EPHA6: variants seen among roughly 807,000 people sequenced by gnomAD.
The protein encoded by EPHA6 is EPH receptor A6, also known as ephrin type-A receptor 6.
EPHA6 carries 50 observed loss-of-function variants against 112.0 expected under a neutral mutation model. The ratio of observed to expected loss-of-function variants is 0.45; its 90% CI spans 0.36 to 0.56. The LOEUF is 0.56. Ranked by LOEUF, EPHA6 falls within the 20% of genes least tolerant of loss-of-function variation. EPHA6 has a pLI of 0.00. For synonymous variants in EPHA6, 529 were observed against 490.7 expected, an observed-to-expected ratio of 1.08 and a Z score of -1.03; for missense variants, 1,280 against 1,417.4, an observed-to-expected ratio of 0.90 and a Z score of 1.56.
intron 2 of EPHA6, among the ~76,000 whole-genome samples, chr3:96,923,268 A>G (rs2039868128): frequency 6.6e-6 from 1 of 152,076 alleles, no homozygotes. Flanking sequence ...CAATGAAAAA[A>G]ACATTTTTCC....
chr3:96,870,551 G>A (rs1368516331), intron 2 of EPHA6, among the ~76,000 whole-genome samples: 1 of 152,030 alleles, frequency 6.6e-6, no homozygotes, highest in East Asian at 1.9e-4. Flanking sequence ...TGGAAATAAT[G>A]TTTTAGCAGT....
chr3:97,451,109 T>C (rs1398933333), intron 7 of EPHA6, among the ~76,000 whole-genome samples: 1 of 151,944 alleles, frequency 6.6e-6, no homozygotes, highest in African/African-American at 2.4e-5. Flanking sequence ...TGGTGGTAGA[T>C]GAAGGTGGAG....
chr3:97,109,137 C>T (rs1229043343), intron 3 of EPHA6, among the ~76,000 whole-genome samples: 3 of 152,086 alleles, frequency 2.0e-5, no homozygotes, highest in Admixed American at 6.6e-5. Flanking sequence ...TTATTTGATT[C>T]GGGTTATAAA....
intron 13 of EPHA6, among the ~76,000 whole-genome samples, chr3:97,618,935 C>G (rs968392918): frequency 6.6e-5 from 10 of 152,166 alleles, no homozygotes; most frequent in Middle Eastern, 3.4e-3. Context: ...CTTCCTGATA[C>G]CAAAACCTGG....
rs538996333 is a variant in EPHA6 at position 97,755,380 on chromosome 3, A to T, written c.*6679A>T. On this transcript the variant is annotated 3_prime_UTR_variant, in exon 18 of 18. Coordinates refer to ENST00000389672, the MANE Select transcript of EPHA6 (RefSeq NM_001080448.3). ...AACTGTTCTTACTTGTATTTTCTGC[A>T]TTATTTGTGACCTCTGGCCATTTTT... Among the ~76,000 whole-genome samples, 72 of 152,318 alleles carry T rather than the reference A, an allele frequency of 4.7e-4. No homozygotes were observed. The highest frequency in any genetic ancestry group is 8.5e-4 in the Non-Finnish European group (58 of 68,000).
intron 5 of EPHA6, among the ~76,000 whole-genome samples, chr3:97,260,775 A>G: frequency 6.6e-6 from 1 of 152,232 alleles, no homozygotes; most frequent in East Asian, 1.9e-4. Context: ...GCATTCAGTT[A>G]TAAAACCGTT....
intron 14 of EPHA6, among the ~76,000 whole-genome samples, chr3:97,643,477 A>G (rs1343496049): frequency 1.3e-5 from 2 of 150,540 alleles, no homozygotes; most frequent in Non-Finnish European, 3.0e-5. Flanking sequence ...AAATGCTCCA[A>G]TTAAAAGACA....
At chr3:97,122,613 C>T (rs985636993) in intron 3 of EPHA6, among the ~76,000 whole-genome samples, 4 of 151,896 alleles carry the variant, frequency 2.6e-5, no homozygotes, top group South Asian at 2.1e-4. Flanking sequence ...CAAGCTTGTA[C>T]GTATTTCATT....
At chr3:97,421,162 A>C (rs2107184831) in intron 6 of EPHA6, among the ~76,000 whole-genome samples, 1 of 152,200 alleles carries the variant, frequency 6.6e-6, no homozygotes, top group East Asian at 1.9e-4. Context: ...AGTTTCTACT[A>C]AATATTAGAG....
chr3:97,600,786 T>A (rs1426404266), intron 12 of EPHA6, among the ~76,000 whole-genome samples: 5 of 151,848 alleles, frequency 3.3e-5, no homozygotes, highest in Non-Finnish European at 7.4e-5. Context: ...ATCATCTTTA[T>A]GTAAGACTAG....
At chr3:97,745,423 A>G (rs2035671758) in intron 16 of EPHA6, 3 of 450,586 alleles carry the variant, frequency 6.7e-6, no homozygotes, top group South Asian at 1.6e-5. Context: ...ATAACGTTGC[A>G]ATATGTAGTA....
chr3:97,387,073 C>A (rs924381275), intron 5 of EPHA6, among the ~76,000 whole-genome samples: 1 of 152,212 alleles, frequency 6.6e-6, no homozygotes, highest in Non-Finnish European at 1.5e-5. Context: ...GCCCACAAAA[C>A]CATTCTTCCC....
intron 10 of EPHA6, among the ~76,000 whole-genome samples, chr3:97,503,050 A>G (rs116500148): frequency 0.015 from 2,206 of 152,096 alleles, 31 homozygotes; most frequent in Non-Finnish European, 0.022. Context: ...GGAAAAGAAG[A>G]TATAACTGCT....
At chr3:97,511,401 A>G (rs2107591770) in intron 10 of EPHA6, among the ~76,000 whole-genome samples, 1 of 152,240 alleles carries the variant, frequency 6.6e-6, no homozygotes, top group East Asian at 1.9e-4. Flanking sequence ...TCCTCACATC[A>G]CAGTCCTTCA....
chr3:97,649,705 C>G (rs1038898077), intron 14 of EPHA6, among the ~76,000 whole-genome samples: 1 of 151,388 alleles, frequency 6.6e-6, no homozygotes, highest in African/African-American at 2.4e-5. Context: ...CTGGATAAAC[C>G]AAATTCATCT....
rs116217081 is a variant in EPHA6, at chr3:97,496,890, G to A, written c.2200+12831G>A. Reference sequence around the variant, plus strand: ...TTATTGTCATGAAATCATTATTTAGGATAGGATTACAAATTTCCCTCATTT... The same window carrying A: ...TTATTGTCATGAAATCATTATTTAGAATAGGATTACAAATTTCCCTCATTT... On this transcript the variant is annotated intron_variant, in intron 10 of 17. Coordinates refer to ENST00000389672, the MANE Select transcript of EPHA6 (RefSeq NM_001080448.3). 8.0e-3 allele frequency among the ~76,000 whole-genome samples: 1,210 copies of A among 152,092 alleles called. 18 individuals carry two copies. Among genetic ancestry groups the A allele is most frequent in the African/African-American group, 0.028 (1,158 of 41,504 alleles).
intron 14 of EPHA6, among the ~76,000 whole-genome samples, chr3:97,699,203 A>T (rs1236338647): frequency 1.3e-5 from 2 of 152,232 alleles, no homozygotes; most frequent in African/African-American, 4.8e-5. Context: ...ACTGACAATT[A>T]GTAACAAGTA....
chr3:97,597,218 CTGTT>C (rs1364986341), intron 12 of EPHA6, among the ~76,000 whole-genome samples: 1 of 151,966 alleles, frequency 6.6e-6, no homozygotes, highest in African/African-American at 2.4e-5. Context: ...GGTACCCTCT[CTGTT>C]TGCCTGCCTG....
At chr3:97,436,819 A>G (rs530081066) in intron 6 of EPHA6, among the ~76,000 whole-genome samples, 1 of 152,280 alleles carries the variant, frequency 6.6e-6, no homozygotes, top group South Asian at 2.1e-4. Flanking sequence ...ATCTTCAAAG[A>G]ATTTTTATCT....
Sources: gnomAD v4.1 joint callset for allele counts (sites outside exome capture counted in the v4.1 genomes callset) on GRCh38, gnomAD v4.1.1 for gene constraint, MANE v1.5 for transcripts, NCBI Gene and HGNC (gene_info 2026-07-23, HGNC 2026-07-21) for gene names.